TSHZ2: variants seen among roughly 807,000 people sequenced by gnomAD.
TSHZ2 encodes teashirt homolog 2.
A neutral mutation model predicts 74.4 loss-of-function variants in TSHZ2; 21 were observed. That is an observed-to-expected ratio of 0.28 (90% CI 0.20 to 0.41). TSHZ2 has a LOEUF of 0.41. TSHZ2 is among the 10% of genes least tolerant of loss of function. The probability of loss-of-function intolerance (pLI) is 1.00; values close to 1 mark genes in which losing one functional copy is unlikely to be tolerated. For missense variants in TSHZ2, 1,244 were observed against 1,293.5 expected, an observed-to-expected ratio of 0.96 and a Z score of 0.59; for synonymous variants, 540 against 515.3, an observed-to-expected ratio of 1.05 and a Z score of -0.65.
intron 1 of TSHZ2, among the ~76,000 whole-genome samples, chr20:53,220,949 G>A (rs1989540010): frequency 1.3e-5 from 2 of 152,138 alleles, no homozygotes. Flanking sequence ...CAAACCTTCT[G>A]ATTCATGAAT....
chr20:53,356,839 T>C (rs1275825854), intron 2 of TSHZ2, among the ~76,000 whole-genome samples: 1 of 151,866 alleles, frequency 6.6e-6, no homozygotes, highest in Non-Finnish European at 1.5e-5. Context: ...AAGGGTTGCA[T>C]TGGCAACACT....
chr20:53,372,424 C>A (rs776178755), intron 2 of TSHZ2, among the ~76,000 whole-genome samples: 12 of 151,858 alleles, frequency 7.9e-5, no homozygotes, highest in Non-Finnish European at 1.6e-4. Flanking sequence ...TTGCAGTGAT[C>A]GGAGATCACA....
intron 2 of TSHZ2, among the ~76,000 whole-genome samples, chr20:53,280,543 C>G (rs1991035210): frequency 6.6e-6 from 1 of 152,296 alleles, no homozygotes. Flanking sequence ...CTACATGGAG[C>G]TAGCTATGCT....
intron 2 of TSHZ2, among the ~76,000 whole-genome samples, chr20:53,337,439 C>A (rs1979996621): frequency 1.3e-5 from 2 of 152,120 alleles, no homozygotes; most frequent in Admixed American, 1.3e-4. Context: ...AGAGAAGGAC[C>A]CATTCTCTGT....
At chr20:53,006,131 G>T (rs912209302) in intron 1 of TSHZ2, among the ~76,000 whole-genome samples, 1 of 152,304 alleles carries the variant, frequency 6.6e-6, no homozygotes, top group African/African-American at 2.4e-5. Context: ...TGAAAGAAAA[G>T]TTGTAAGATG....
intron 1 of TSHZ2, among the ~76,000 whole-genome samples, chr20:53,129,356 G>T (rs1036164892): frequency 6.6e-6 from 1 of 152,058 alleles, no homozygotes; most frequent in South Asian, 2.1e-4. Flanking sequence ...TACAGGGATT[G>T]GTTACTTTTT....
intron 1 of TSHZ2, among the ~76,000 whole-genome samples, chr20:53,085,539 G>T (rs1985673139): frequency 6.6e-6 from 1 of 152,142 alleles, no homozygotes; most frequent in African/African-American, 2.4e-5. Context: ...ACAAACTCAG[G>T]TGTTCAATGC....
intron 1 of TSHZ2, among the ~76,000 whole-genome samples, chr20:53,050,128 C>CATATATATATGTATAT (rs1984391748): frequency 1.3e-5 from 1 of 74,136 alleles, no homozygotes; most frequent in Non-Finnish European, 2.1e-5. Flanking sequence ...TATATATACA[C>CATATATATATGTATAT]ATATATATAT....
At chr20:53,151,622 A>G (rs1462764360) in intron 1 of TSHZ2, among the ~76,000 whole-genome samples, 1 of 152,234 alleles carries the variant, frequency 6.6e-6, no homozygotes, top group Admixed American at 6.5e-5. Context: ...AGCTTTAAAA[A>G]GTTCAATAGA....
At chr20:53,342,955 C>CTTTTCT (rs1980271498) in intron 2 of TSHZ2, among the ~76,000 whole-genome samples, 1 of 61,236 alleles carries the variant, frequency 1.6e-5, no homozygotes, top group Non-Finnish European at 3.0e-5. Context: ...CTTTTCTTTT[C>CTTTTCT]TTTTTTTTTT....
intron 1 of TSHZ2, among the ~76,000 whole-genome samples, chr20:53,155,178 C>T (rs926513079): frequency 4.0e-5 from 6 of 151,176 alleles, no homozygotes; most frequent in Admixed American, 1.3e-4. Context: ...GATTCTGATC[C>T]GGAACTGGAC....
chr20:53,380,917 T>C (rs771070191), intron 2 of TSHZ2, among the ~76,000 whole-genome samples: 9 of 152,288 alleles, frequency 5.9e-5, no homozygotes, highest in Non-Finnish European at 1.0e-4. Context: ...AGAAACCACG[T>C]ATAAGAAAAT....
At chr20:53,446,218 T>G (rs1196497973) in intron 2 of TSHZ2, among the ~76,000 whole-genome samples, 1 of 152,096 alleles carries the variant, frequency 6.6e-6, no homozygotes, top group Admixed American at 6.5e-5. Context: ...TGCTGGAGGA[T>G]GAAAGAGCTA....
chr20:53,469,634 GAGGAAGGA>G lies in TSHZ2; in HGVS notation c.*9-17465_*9-17458del, dbSNP rs756806325. On this transcript the variant is annotated intron_variant, in intron 2 of 2. Coordinates refer to ENST00000371497, the MANE Select transcript of TSHZ2 (RefSeq NM_173485.6). Reference sequence around the variant, plus strand: ...ATAGATAGAGAGGGAGGAAGGGAGGGAGGAAGGAAGGAAGGAAGGAAGGAAGGAAGGAA... The same window carrying G: ...ATAGATAGAGAGGGAGGAAGGGAGGGAGGAAGGAAGGAAGGAAGGAAGGAA... 8.1e-3 allele frequency among the ~76,000 whole-genome samples: 288 copies of G among 35,488 alleles called. 10 individuals carry two copies. The highest frequency in any genetic ancestry group is 0.014 in the South Asian group (9 of 638). 23.3% of individuals were successfully genotyped at this position (35,488 alleles called of 152,430 possible). A position where few individuals can be genotyped will look rare whatever the true frequency, so the allele number is the denominator to read the frequency against.
chr20:53,053,942 A>G (rs969096519), intron 1 of TSHZ2, among the ~76,000 whole-genome samples: 6 of 152,184 alleles, frequency 3.9e-5, no homozygotes, highest in Non-Finnish European at 8.8e-5. Context: ...CTGAACTCAT[A>G]GTGTTTTCTG....
At chr20:53,131,819 A>ACCCC (rs34289663) in intron 1 of TSHZ2, among the ~76,000 whole-genome samples, 15 of 95,402 alleles carry the variant, frequency 1.6e-4, no homozygotes, top group Admixed American at 2.4e-4. Context: ...TTGAATGACA[A>ACCCC]CCCCCCCCCC....
chr20:53,198,518 A>G (rs1988927957), intron 1 of TSHZ2, among the ~76,000 whole-genome samples: 1 of 152,216 alleles, frequency 6.6e-6, no homozygotes, highest in Non-Finnish European at 1.5e-5. Flanking sequence ...AAGGAACCAC[A>G]CGTCAAATCT....
intron 2 of TSHZ2, among the ~76,000 whole-genome samples, chr20:53,347,276 C>T (rs1052133479): frequency 6.6e-6 from 1 of 152,150 alleles, no homozygotes; most frequent in Non-Finnish European, 1.5e-5. Context: ...CAGTAGCACT[C>T]CCATTCCTGA....
chr20:53,446,313 C>T (rs1223853697), intron 2 of TSHZ2, among the ~76,000 whole-genome samples: 1 of 151,462 alleles, frequency 6.6e-6, no homozygotes, highest in East Asian at 1.9e-4. Flanking sequence ...CCTGTAATCC[C>T]AGCACTTTGG....
Sources: allele counts gnomAD v4.1 joint callset (sites outside exome capture counted in the v4.1 genomes callset), GRCh38; gene constraint gnomAD v4.1.1; transcripts MANE v1.5; gene names NCBI Gene and HGNC (gene_info 2026-07-23, HGNC 2026-07-21).